The following RELCH variants were observed in gnomAD, a reference collection of about 807,000 sequenced individuals.
The protein encoded by RELCH is RAB11-binding protein RELCH.
A neutral mutation model predicts 150.3 loss-of-function variants in RELCH; 41 were observed. That is an observed-to-expected ratio of 0.27 (90% CI 0.21 to 0.35). RELCH has a LOEUF of 0.35. Ranked by LOEUF, RELCH falls within the 10% of genes least tolerant of loss-of-function variation. RELCH has a pLI of 1.00. For missense variants in RELCH, 1,092 were observed against 1,467.8 expected, an observed-to-expected ratio of 0.74 and a Z score of 4.18; for synonymous variants, 478 against 531.8, an observed-to-expected ratio of 0.90 and a Z score of 1.39.
At chr18:62,268,809 A>AT in intron 19 of RELCH, 60 bp from the exon 20 acceptor site, 1 of 862,218 alleles carries the variant, frequency 1.2e-6, no homozygotes, top group African/African-American at 1.8e-5. Context: ...TCGCATTATG[A>AT]TTTTTTTCTT....
intron 27 of RELCH, among the ~76,000 whole-genome samples, chr18:62,297,967 T>C (rs553419829): frequency 2.0e-5 from 3 of 152,350 alleles, no homozygotes; most frequent in Admixed American, 6.5e-5. Context: ...TCTTACTCAA[T>C]GTTTTTTCTA....
At chr18:62,213,795 TAGAAGAGA>T in intron 2 of RELCH, among the ~76,000 whole-genome samples, 1 of 150,956 alleles carries the variant, frequency 6.6e-6, no homozygotes, top group Non-Finnish European at 1.5e-5. Flanking sequence ...TCAATATAGG[TAGAAGAGA>T]AGAAGAAAAT....
chr18:62,227,260 ATTTT>A, intron 5 of RELCH, 25 bp from the exon 6 acceptor site: 1 of 1,429,340 alleles, frequency 7.0e-7, no homozygotes, highest in Non-Finnish European at 9.6e-7. Flanking sequence ...TTCCTCGAAG[ATTTT>A]TTATGTTTTT....
At position 62,231,191 on chromosome 18, in the gene RELCH, T is replaced by G. The variant is rs760508923; in HGVS notation, c.1449-3T>G. 1 of 1,569,452 alleles carries G rather than the reference T, an allele frequency of 6.4e-7. No individual in the cohort carries two copies. The highest frequency in any genetic ancestry group is 2.3e-5 in the East Asian group (1 of 44,040). On this transcript the variant is annotated splice_polypyrimidine_tract_variant and splice_region_variant and intron_variant, in intron 8 of 28. Transcript: ENST00000644646. ...TGTCTCTTTTTCATACATTTTCTTC[T>G]AGGAAATTGTCTCCTGCATTCCATC...
At chr18:62,246,164 C>T (rs367773210) in intron 11 of RELCH, 2 of 152,304 alleles carry the variant, frequency 1.3e-5, no homozygotes, top group East Asian at 1.9e-4. Flanking sequence ...GATTTTGCAT[C>T]AAACCATTTA....
At chr18:62,233,918 A>T (rs1466491413) in intron 10 of RELCH, among the ~76,000 whole-genome samples, 1 of 151,956 alleles carries the variant, frequency 6.6e-6, no homozygotes, top group Non-Finnish European at 1.5e-5. Flanking sequence ...ATACATACAG[A>T]TTATCTACCT....
At chr18:62,279,533 C>G (rs1384806869) in intron 22 of RELCH, among the ~76,000 whole-genome samples, 1 of 152,126 alleles carries the variant, frequency 6.6e-6, no homozygotes, top group Admixed American at 6.6e-5. Context: ...GTACAAACTG[C>G]TGTTAAACTG....
rs188201039 is a variant in RELCH, at chr18:62,252,597, T to C, written c.1734-67T>C. 5.6e-4 allele frequency: 644 copies of C among 1,157,796 alleles called. 2 individuals are homozygous for C. The African/African-American group carries it at 8.5e-3, about 15-fold the overall frequency. 71.7% of individuals were successfully genotyped at this position (1,157,796 alleles called of 1,614,324 possible). A position where few individuals can be genotyped will look rare whatever the true frequency, so the allele number is the denominator to read the frequency against. On this transcript the variant is annotated intron_variant, in intron 11 of 28. Coordinates refer to ENST00000644646, the MANE Select transcript of RELCH (RefSeq NM_001346231.2). Reference sequence around the variant, plus strand: ...ATGTGAATTTATAGAGATGAGACTTTTTTAACCCTTAGTCCTAGTTGTGCT... The same window carrying C: ...ATGTGAATTTATAGAGATGAGACTTCTTTAACCCTTAGTCCTAGTTGTGCT...
rs145709852 is a variant in RELCH, at chr18:62,209,277, A to G, written c.527-1876A>G. 1.6e-3 allele frequency among the ~76,000 whole-genome samples: 247 copies of G among 152,210 alleles called. 1 individual carries two copies. Among genetic ancestry groups the G allele is most frequent in the African/African-American group, 5.3e-3 (221 of 41,514 alleles). On this transcript the variant is annotated intron_variant, in intron 1 of 28. Coordinates refer to ENST00000644646, the MANE Select transcript of RELCH (RefSeq NM_001346231.2). ...TGCATTTCCTAATAAAAGTTTTGCA[A>G]TTTTCACTTACATTGGGTCTATGAT...
intron 5 of RELCH, among the ~76,000 whole-genome samples, chr18:62,222,550 A>G (rs906315137): frequency 3.9e-5 from 6 of 152,002 alleles, no homozygotes; most frequent in African/African-American, 1.4e-4. Flanking sequence ...TAAAATGGTT[A>G]GATTAAAACC....
intron 25 of RELCH, among the ~76,000 whole-genome samples, chr18:62,285,040 A>C (rs2044717820): frequency 6.6e-6 from 1 of 152,196 alleles, no homozygotes. Flanking sequence ...CAAACAAACA[A>C]ACAAAAATAG....
At position 62,308,697 on chromosome 18, in the gene RELCH, A is replaced by G. The variant is rs1043792188; in HGVS notation, c.*3163A>G. 1 of 152,202 alleles carries G rather than the reference A, an allele frequency of 6.6e-6. No homozygotes were observed. The highest frequency in any genetic ancestry group is 1.5e-5 in the Non-Finnish European group (1 of 68,042). The allele number at this position is 152,202 out of a possible 1,614,324, so 9.4% of individuals were successfully genotyped here. A position where few individuals can be genotyped will look rare whatever the true frequency, so the allele number is the denominator to read the frequency against. ...GCACCACTGCACTCCAGCCTGGTCC[A>G]CAGAGCAAGACTCCATCTCAAAAAC... On this transcript the variant is annotated 3_prime_UTR_variant, in exon 29 of 29. Coordinates refer to ENST00000644646, the MANE Select transcript of RELCH (RefSeq NM_001346231.2).
chr18:62,210,349 G>T (rs541985278), intron 1 of RELCH, among the ~76,000 whole-genome samples: 1 of 151,952 alleles, frequency 6.6e-6, no homozygotes, highest in African/African-American at 2.4e-5. Context: ...CTTTTTTATT[G>T]TTCCACATGT....
At chr18:62,251,985 A>G (rs1291716772) in intron 11 of RELCH, among the ~76,000 whole-genome samples, 2 of 151,848 alleles carry the variant, frequency 1.3e-5, no homozygotes, top group African/African-American at 2.4e-5. Flanking sequence ...TTAGCAAGGT[A>G]TAATTTTTTC....
chr18:62,231,404 C>G (rs145599786), intron 9 of RELCH, 135 bp downstream of exon 9: 5 of 546,912 alleles, frequency 9.1e-6, no homozygotes, highest in African/African-American at 5.9e-5. Flanking sequence ...AAATAATGCT[C>G]TAAGATATAG....
At chr18:62,262,741 T>C (rs1008399245) in intron 16 of RELCH, among the ~76,000 whole-genome samples, 6 of 152,070 alleles carry the variant, frequency 3.9e-5, no homozygotes, top group African/African-American at 1.4e-4. Context: ...TTCCTATCTT[T>C]CTAATTCCCT....
At chr18:62,192,157 C>G (rs2038690251) in intron 1 of RELCH, among the ~76,000 whole-genome samples, 1 of 152,168 alleles carries the variant, frequency 6.6e-6, no homozygotes, top group East Asian at 1.9e-4. Context: ...TGATGTTGAG[C>G]CTTTTTTCAT....
intron 5 of RELCH, among the ~76,000 whole-genome samples, chr18:62,224,528 A>G (rs184483610): frequency 6.6e-6 from 1 of 152,146 alleles, no homozygotes; most frequent in East Asian, 1.9e-4. Context: ...AATCCTATAG[A>G]CTCTCCAAAA....
intron 18 of RELCH, among the ~76,000 whole-genome samples, chr18:62,266,436 T>C (rs1012154467): frequency 1.3e-5 from 2 of 151,962 alleles, no homozygotes; most frequent in African/African-American, 4.8e-5. Context: ...TATTTTAATT[T>C]AATAAAAGAA....
Sources: gnomAD v4.1 joint callset for allele counts (sites outside exome capture counted in the v4.1 genomes callset) on GRCh38, gnomAD v4.1.1 for gene constraint, MANE v1.5 for transcripts, NCBI Gene and HGNC (gene_info 2026-07-23, HGNC 2026-07-21) for gene names.